The following EVC2 variants were observed in gnomAD, a reference collection of about 807,000 sequenced individuals.
EVC2 encodes the protein limbin.
In EVC2, 148 loss-of-function variants were observed where a neutral mutation model predicts 149.3. The ratio of observed to expected loss-of-function variants is 0.99; its 90% CI spans 0.87 to 1.14. EVC2 has a LOEUF of 1.14. EVC2 is among the 50% of genes most tolerant of loss of function. EVC2 has a pLI of 0.00. For synonymous variants in EVC2, 776 were observed against 649.9 expected (o/e 1.19, Z -2.95); for missense variants, 1,854 against 1,627.3 (o/e 1.14, Z -2.40).
chr4:5,576,446 C>A lies in EVC2; in HGVS notation c.3066G>T (p.Gln1022His). ...GGTCCTCCAGCTTCCTCTCCAACTCCTGGAGCTCCTACACAAGGAAGGGGC... is the reference window on the plus strand; with the variant it reads ...GGTCCTCCAGCTTCCTCTCCAACTCATGGAGCTCCTACACAAGGAAGGGGC... ...QILESHSRELQELERKLEDQL... is the reference protein window; with the variant it reads ...QILESHSRELHELERKLEDQL... Residue 1022 changes from glutamine (Q) to histidine (H), a missense_variant, in exon 18 of 22, where the codon CAG becomes CAT. Transcript: ENST00000344408. The surrounding 1 kb of genome is among the most constrained non-coding windows in gnomAD (Gnocchi z 4.5). 2.5e-6 allele frequency: 4 copies of A among 1,596,070 alleles called. No homozygotes were observed. Among genetic ancestry groups the A allele is most frequent in the Non-Finnish European group, 3.4e-6 (4 of 1,171,432 alleles).
In EVC2 at chr4:5,618,211, G is replaced by A. The variant is rs542978613; in HGVS notation, c.2706+267C>T. On this transcript the variant is annotated intron_variant, in intron 15 of 21. Transcript: ENST00000344408. The surrounding 1 kb of genome is among the most constrained non-coding windows in gnomAD (Gnocchi z 4.4). The stretch of plus-strand genomic sequence containing the variant: ...GCTTCCCTCAGGAGATTGTGGCTGC[G>A]CAAGGCTGACACAGCTGCTGGTGGA... Among the ~76,000 whole-genome samples, 105 of 152,284 alleles carry A rather than the reference G, an allele frequency of 6.9e-4. No individual in the cohort carries two copies. The highest frequency in any genetic ancestry group is 1.3e-3 in the Non-Finnish European group (91 of 68,010).
At chr4:5,661,590 T>A (rs1240189597) in intron 9 of EVC2, among the ~76,000 whole-genome samples, 1 of 152,112 alleles carries the variant, frequency 6.6e-6, no homozygotes, top group Admixed American at 6.6e-5. Context: ...AAAATAAGAT[T>A]GAGATTTTTG....
intron 9 of EVC2, among the ~76,000 whole-genome samples, chr4:5,644,292 T>C (rs6810543): frequency 6.6e-6 from 1 of 151,872 alleles, no homozygotes; most frequent in Non-Finnish European, 1.5e-5. Context: ...CATATATAAT[T>C]TACCATCTTT....
At chr4:5,561,304 T>G (rs1418902165), downstream of EVC2, among the ~76,000 whole-genome samples, 2 of 152,170 alleles carry the variant, frequency 1.3e-5, no homozygotes, top group African/African-American at 2.4e-5. Context: ...AACTCCAGTC[T>G]GCTTATTCCC....
chr4:5,615,303 G>A (rs1577159949), intron 16 of EVC2, 119 bp downstream of exon 16: 30 of 1,515,678 alleles, frequency 2.0e-5, no homozygotes, highest in African/African-American at 2.7e-5. Flanking sequence ...GTGAGTGAGC[G>A]GTTGGGTGGA....
At chr4:5,553,195 A>T (rs1721773454) in intron 21 of EVC2, among the ~76,000 whole-genome samples, 1 of 152,186 alleles carries the variant, frequency 6.6e-6, no homozygotes, top group Non-Finnish European at 1.5e-5. Flanking sequence ...CAGAAGGAGA[A>T]GGGGAAGCAG....
chr4:5,648,407 G>A (rs1470689042), intron 9 of EVC2, among the ~76,000 whole-genome samples: 1 of 152,156 alleles, frequency 6.6e-6, no homozygotes, highest in Non-Finnish European at 1.5e-5. Flanking sequence ...AGTTACATGA[G>A]CAAATGTTAT....
In EVC2 at chr4:5,640,797, T is replaced by G; in HGVS notation, c.1187A>C (p.Glu396Ala). The change falls in exon 10 of 22, where the codon GAG becomes GCG. Residue 396 changes from glutamate (E) to alanine (A), a missense_variant. Physicochemically the swap from Glu to Ala is moderately radical, Grantham distance 107. Coordinates refer to ENST00000344408, the MANE Select transcript of EVC2 (RefSeq NM_147127.5). The surrounding 1 kb of genome is among the most constrained non-coding windows in gnomAD (Gnocchi z 4.6). Reference protein sequence around the residue: ...ATLNRADADLEACRTQISKDI... With the variant: ...ATLNRADADLAACRTQISKDI... ...CTTGCTGATTTGTGTTCGACAAGCC[T>G]CCAGATCTGCATCTGCCCGATTCAG... 1 of 1,614,196 alleles carries G rather than the reference T, an allele frequency of 6.2e-7. No homozygotes were observed. The highest frequency in any genetic ancestry group is 8.5e-7 in the Non-Finnish European group (1 of 1,180,032).
chr4:5,602,619 A>G (rs1714075488), intron 16 of EVC2, among the ~76,000 whole-genome samples: 2 of 152,158 alleles, frequency 1.3e-5, no homozygotes, highest in South Asian at 4.1e-4. Flanking sequence ...GGAAAAACAA[A>G]AAGTTATACA....
At chr4:5,680,244 T>C (rs894143857) in intron 7 of EVC2, among the ~76,000 whole-genome samples, 4 of 152,304 alleles carry the variant, frequency 2.6e-5, no homozygotes, top group East Asian at 3.9e-4. Flanking sequence ...AAAGTATGTA[T>C]AGTAAATACG....
chr4:5,706,903 C>T (rs527492674), intron 1 of EVC2, among the ~76,000 whole-genome samples: 101 of 152,244 alleles, frequency 6.6e-4, no homozygotes, highest in African/African-American at 2.4e-3. Flanking sequence ...TACTCTACAC[C>T]CACCATGGTC....
intron 11 of EVC2, 68 bp downstream of exon 11, chr4:5,631,725 G>A (rs1367040654): frequency 1.0e-5 from 16 of 1,597,874 alleles, no homozygotes; most frequent in Non-Finnish European, 1.4e-5. Flanking sequence ...TGAACTCTGA[G>A]AGAGGAGACA....
chr4:5,602,977 G>C (rs952305319), intron 16 of EVC2, among the ~76,000 whole-genome samples: 7 of 152,128 alleles, frequency 4.6e-5, no homozygotes, highest in Non-Finnish European at 1.0e-4. Flanking sequence ...CATGGCTGGG[G>C]GAAGCTGCTC....
chr4:5,608,231 G>T (rs1287638873), intron 16 of EVC2, among the ~76,000 whole-genome samples: 1 of 152,182 alleles, frequency 6.6e-6, no homozygotes, highest in Non-Finnish European at 1.5e-5. Context: ...GGGTCACCCA[G>T]CAGGTACTCC....
chr4:5,584,830 C>A lies in EVC2; in HGVS notation c.2850G>T (p.Arg950=). ...LVEKVRGELL[R]ERVQRMEAQE... is the part of the protein sequence containing the mutation. ...GTGCCTCCATCCGCTGCACTCTCTCCCGCAGCAATTCACCTCGAACCTGGG... is the reference window on the plus strand; with the variant it reads ...GTGCCTCCATCCGCTGCACTCTCTCACGCAGCAATTCACCTCGAACCTGGG... The change falls in exon 17 of 22, where the codon CGG becomes CGT. Residue 950 remains arginine, a synonymous_variant. Transcript: ENST00000344408. The A allele has an allele frequency of 6.2e-7, 1 of 1,614,190 alleles. No individual in the cohort carries two copies. The highest frequency in any genetic ancestry group is 8.5e-7 in the Non-Finnish European group (1 of 1,180,034).
intron 16 of EVC2, among the ~76,000 whole-genome samples, chr4:5,604,745 A>G (rs994214501): frequency 3.9e-5 from 6 of 152,196 alleles, no homozygotes; most frequent in African/African-American, 1.2e-4. Flanking sequence ...AGTGATAGAT[A>G]TCCTAAATAC....
rs751062042 is a variant in EVC2 at position 5,625,781 on chromosome 4, T to C, written c.2014A>G (p.Ile672Val). The C allele has an allele frequency of 6.2e-7, 1 of 1,614,170 alleles. No individual in the cohort carries two copies. Among genetic ancestry groups the C allele is most frequent in the Non-Finnish European group, 8.5e-7 (1 of 1,180,032 alleles). Residue 672 changes from isoleucine to valine, a missense_variant, in exon 13 of 22, where the codon ATA (isoleucine) becomes GTA (valine). Coordinates refer to ENST00000344408, the MANE Select transcript of EVC2 (RefSeq NM_147127.5). This position sits in a 1 kb window ranked among gnomAD's most constrained non-coding sequence, Gnocchi z 4.0. ...AGCAACTCTCGTCTTCTCTTAGTTA[T>C]TAATTTTTGGTGGAGCTTTTTCTTT... ...QEKKKLHQKL[I>V]TKRRRELLQK... is the part of the protein sequence containing the mutation.
At chr4:5,577,135 T>G (rs1379021927) in intron 17 of EVC2, among the ~76,000 whole-genome samples, 1 of 152,256 alleles carries the variant, frequency 6.6e-6, no homozygotes, top group Non-Finnish European at 1.5e-5. Flanking sequence ...CTAAGTTCTC[T>G]TGCTTTATAG....
At chr4:5,615,240 G>C (rs888591122) in intron 16 of EVC2, among the ~76,000 whole-genome samples, 182 bp downstream of exon 16, 4 of 152,170 alleles carry the variant, frequency 2.6e-5, no homozygotes, top group Non-Finnish European at 4.4e-5. Flanking sequence ...AGAATGCACA[G>C]GGGAAAGGCC....
Sources: allele counts gnomAD v4.1 joint callset (sites outside exome capture counted in the v4.1 genomes callset), GRCh38; gene constraint gnomAD v4.1.1; non-coding constraint Gnocchi (gnomAD v3.1); transcripts MANE v1.5; gene names NCBI Gene and HGNC (gene_info 2026-07-23, HGNC 2026-07-21).